The following LOC128462377 variants were observed in gnomAD, a reference collection of about 807,000 sequenced individuals.
At chr16:89,319,236 C>T in the LOC128462377 span, among the ~76,000 whole-genome samples, 6 of 152,212 alleles carry the variant, frequency 3.9e-5, no homozygotes, top group African/African-American at 9.7e-5. Flanking sequence ...GGCCTCCGGA[C>T]GGTGTCTGGG....
At chr16:89,415,777 G>A in the LOC128462377 span, among the ~76,000 whole-genome samples, 1 of 134,716 alleles carries the variant, frequency 7.4e-6, no homozygotes, top group Non-Finnish European at 1.5e-5. Context: ...GCAGTGAGCC[G>A]AGATTGCACC....
At chr16:89,369,095 A>G in the LOC128462377 span, among the ~76,000 whole-genome samples, 1 of 152,172 alleles carries the variant, frequency 6.6e-6, no homozygotes, top group Non-Finnish European at 1.5e-5. Context: ...TGATCACATC[A>G]CTACCAAGCT....
the LOC128462377 span, among the ~76,000 whole-genome samples, chr16:89,411,988 T>C: frequency 2.6e-5 from 3 of 115,188 alleles, no homozygotes; most frequent in South Asian, 7.2e-4. Flanking sequence ...TGGGCTGAGA[T>C]GCCTCCCAGA....
chr16:89,396,467 G>GT, the LOC128462377 span, among the ~76,000 whole-genome samples: 1 of 152,082 alleles, frequency 6.6e-6, no homozygotes, highest in Non-Finnish European at 1.5e-5. Flanking sequence ...TTTTGGTGTC[G>GT]TATCAATGAA....
At chr16:89,381,680 CT>C in the LOC128462377 span, among the ~76,000 whole-genome samples, 1 of 152,208 alleles carries the variant, frequency 6.6e-6, no homozygotes, top group African/African-American at 2.4e-5. Flanking sequence ...ACCTTCAGAA[CT>C]CTCATCAGGA....
the LOC128462377 span, among the ~76,000 whole-genome samples, chr16:89,338,424 T>TAAA: frequency 3.9e-5 from 5 of 127,040 alleles, no homozygotes; most frequent in African/African-American, 8.9e-5. Context: ...TACACTCTGT[T>TAAA]AAAAAAAAAA....
chr16:89,382,337 T>A, the LOC128462377 span, among the ~76,000 whole-genome samples: 43,785 of 149,560 alleles, frequency 0.29, 9,735 homozygotes, highest in African/African-American at 0.61. Context: ...ATATATATAT[T>A]TTTTTAAAGA....
At chr16:89,374,642 G>A in the LOC128462377 span, among the ~76,000 whole-genome samples, 1 of 152,190 alleles carries the variant, frequency 6.6e-6, no homozygotes, top group Non-Finnish European at 1.5e-5. Flanking sequence ...GCCATCTCCC[G>A]CGTGCTACGA....
At chr16:89,370,819 A>T in the LOC128462377 span, 2 of 151,834 alleles carry the variant, frequency 1.3e-5, no homozygotes, top group Admixed American at 6.6e-5. Flanking sequence ...GCCCCAGACG[A>T]CCCCCAGGCC....
chr16:89,317,176 C>T, the LOC128462377 span: 21 of 869,368 alleles, frequency 2.4e-5, no homozygotes, highest in Middle Eastern at 2.1e-4. Flanking sequence ...CTAGTCAAGG[C>T]AGGCAGCTGC....
At chr16:89,415,829 C>CAAAAAAAAAAAAAAAA in the LOC128462377 span, among the ~76,000 whole-genome samples, 320 of 39,662 alleles carry the variant, frequency 8.1e-3, 10 homozygotes, top group Middle Eastern at 0.045. Context: ...GACTCTGTCT[C>CAAAAAAAAAAAAAAAA]AAAAAAAAAA....
the LOC128462377 span, among the ~76,000 whole-genome samples, chr16:89,412,980 A>T: frequency 6.6e-6 from 1 of 152,136 alleles, no homozygotes; most frequent in Non-Finnish European, 1.5e-5. Flanking sequence ...AAAACAGCTG[A>T]CAGCCAGAGC....
At chr16:89,388,075 A>G in the LOC128462377 span, among the ~76,000 whole-genome samples, 1 of 152,110 alleles carries the variant, frequency 6.6e-6, no homozygotes, top group Non-Finnish European at 1.5e-5. Flanking sequence ...CAGACTTACA[A>G]AAAAGTTGCA....
At chr16:89,396,442 C>CAA in the LOC128462377 span, among the ~76,000 whole-genome samples, 255 of 152,298 alleles carry the variant, frequency 1.7e-3, 2 homozygotes, top group Non-Finnish European at 6.5e-4. Flanking sequence ...GCTCACAGCA[C>CAA]AAACACCTGC....
chr16:89,342,558 G>C, the LOC128462377 span, among the ~76,000 whole-genome samples: 1 of 152,242 alleles, frequency 6.6e-6, no homozygotes, highest in East Asian at 1.9e-4. Flanking sequence ...CCACGTGCCT[G>C]AGCAGGATAT....
At chr16:89,330,773 C>A in the LOC128462377 span, among the ~76,000 whole-genome samples, 1 of 151,418 alleles carries the variant, frequency 6.6e-6, no homozygotes, top group African/African-American at 2.4e-5. Flanking sequence ...AACCTCTAGC[C>A]CACACTCTGC....
chr16:89,327,241 C>T, the LOC128462377 span, among the ~76,000 whole-genome samples: 1 of 152,164 alleles, frequency 6.6e-6, no homozygotes, highest in Non-Finnish European at 1.5e-5. Context: ...ACAACTGGTA[C>T]AGAAAATCAT....
the LOC128462377 span, among the ~76,000 whole-genome samples, chr16:89,417,085 G>A: frequency 6.6e-6 from 1 of 152,124 alleles, no homozygotes; most frequent in African/African-American, 2.4e-5. Flanking sequence ...CTATTTTCAA[G>A]GATATCTCAG....
the LOC128462377 span, among the ~76,000 whole-genome samples, chr16:89,365,931 G>A: frequency 1.3e-5 from 2 of 151,888 alleles, no homozygotes; most frequent in East Asian, 3.9e-4. Context: ...TCATCATTTC[G>A]TTCCCATTCA....
Sources: allele counts gnomAD v4.1 joint callset (sites outside exome capture counted in the v4.1 genomes callset), GRCh38; gene constraint gnomAD v4.1.1; transcripts MANE v1.5.